KPNA7: variants seen among roughly 807,000 people sequenced by gnomAD.
KPNA7 encodes the protein karyopherin subunit alpha 7.
A neutral mutation model predicts 53.7 loss-of-function variants in KPNA7; 54 were observed. The ratio of observed to expected loss-of-function variants is 1.01; its 90% CI spans 0.81 to 1.26. The LOEUF is 1.26. Among genes scored for constraint, KPNA7 ranks in the 50% most tolerant of loss-of-function variants. The pLI is 0.00. For missense variants in KPNA7, 640 were observed against 644.5 expected, an observed-to-expected ratio of 0.99 and a Z score of 0.07; for synonymous variants, 276 against 259.3, an observed-to-expected ratio of 1.06 and a Z score of -0.62.
At chr7:99,165,689 C>A in the KPNA7 span, among the ~76,000 whole-genome samples, 1 of 152,202 alleles carries the variant, frequency 6.6e-6, no homozygotes, top group African/African-American at 2.4e-5. Flanking sequence ...TGTGACACTT[C>A]TGAGCCAAAA....
chr7:99,174,457 A>AG (rs1187067868), intron 10 of KPNA7, among the ~76,000 whole-genome samples: 2 of 152,140 alleles, frequency 1.3e-5, no homozygotes, highest in Admixed American at 6.6e-5. Flanking sequence ...CTCACCCCCC[A>AG]GCCTGTGGAA....
At chr7:99,196,030 T>G in intron 4 of KPNA7, 54 bp downstream of exon 4, 1 of 1,433,838 alleles carries the variant, frequency 7.0e-7, no homozygotes, top group African/African-American at 1.4e-5. Flanking sequence ...CAGCCATCAC[T>G]GACGCTCATT....
chr7:99,203,122 G>A lies in KPNA7; in HGVS notation c.185C>T (p.Thr62Ile). 6.4e-7 allele frequency: 1 copy of A among 1,551,618 alleles called. No homozygotes were observed. The highest frequency in any genetic ancestry group is 8.7e-7 in the Non-Finnish European group (1 of 1,146,966). Residue 62 changes from threonine (T) to isoleucine (I), a missense_variant, in exon 3 of 11, where the codon ACA becomes ATA. Physicochemically the swap from Thr to Ile is moderately conservative, Grantham distance 89 (BLOSUM62 -1). Coordinates refer to ENST00000327442, the MANE Select transcript of KPNA7 (RefSeq NM_001145715.3). ...CATACTGACCGCCACCCCTTTGGCT[G>A]TTTTTTCAGAAGGTGTGTCAGGGCA... ...SFCPDTPSEK[T>I]AKGVAVSLTL...
intron 8 of KPNA7, among the ~76,000 whole-genome samples, chr7:99,183,653 C>G (rs940164994): frequency 5.3e-5 from 8 of 152,074 alleles, no homozygotes; most frequent in Non-Finnish European, 1.2e-4. Flanking sequence ...AGCCTGAGAA[C>G]AGGAACACCG....
In KPNA7 at chr7:99,183,426, C is replaced by T. The variant is rs186240313; in HGVS notation, c.1135-1361G>A. 9.1e-4 allele frequency among the ~76,000 whole-genome samples: 138 copies of T among 152,258 alleles called. 1 individual carries two copies. The South Asian group carries it at 0.01, about 11-fold the overall frequency. ...ACAAAACAAAACAAATAACTTATGG[C>T]TCCAAGCAAGTTATAGTTCAAAAGA... On this transcript the variant is annotated intron_variant, in intron 8 of 10. Coordinates refer to ENST00000327442, the MANE Select transcript of KPNA7 (RefSeq NM_001145715.3).
Position 99,188,617 on chromosome 7 carries a change from C to T in KPNA7, c.637-54G>A. On this transcript the variant is annotated intron_variant, in intron 6 of 10. Coordinates refer to ENST00000327442, the MANE Select transcript of KPNA7 (RefSeq NM_001145715.3). The stretch of plus-strand genomic sequence containing the variant: ...GGGTGCAAAGGAGAGAAAATGCAAA[C>T]AGCAGTGTGTTCTTACCATTTCCAA... 3 of 1,515,974 alleles carry T rather than the reference C, an allele frequency of 2.0e-6. No homozygotes were observed. In the South Asian group the frequency reaches 3.7e-5, roughly 18 times the overall value. The allele number at this position is 1,515,974 out of a possible 1,614,324, so 93.9% of individuals were successfully genotyped here.
chr7:99,163,359 G>GTGTATATATATATATATATA, the KPNA7 span, among the ~76,000 whole-genome samples: 54 of 66,396 alleles, frequency 8.1e-4, no homozygotes, highest in Non-Finnish European at 1.1e-3. Flanking sequence ...ATGAGTGTGT[G>GTGTATATATATATATATATA]TATATATATA....
chr7:99,182,856 A>G (rs1789339812), intron 8 of KPNA7, among the ~76,000 whole-genome samples: 1 of 152,148 alleles, frequency 6.6e-6, no homozygotes, highest in South Asian at 2.1e-4. Flanking sequence ...CTGCATTTCT[A>G]GTCTTTCTGA....
At chr7:99,179,707 C>T (rs987274329) in intron 9 of KPNA7, among the ~76,000 whole-genome samples, 5 of 151,842 alleles carry the variant, frequency 3.3e-5, no homozygotes, top group African/African-American at 1.2e-4. Context: ...GCCTCAGCCT[C>T]CCGAGTAGCT....
the KPNA7 span, among the ~76,000 whole-genome samples, chr7:99,154,254 G>A: frequency 4.6e-5 from 7 of 150,558 alleles, no homozygotes; most frequent in East Asian, 4.0e-4. Flanking sequence ...TCAGCCTCCC[G>A]AGTAGCTAGG....
At chr7:99,149,960 G>A in the KPNA7 span, among the ~76,000 whole-genome samples, 165 of 151,904 alleles carry the variant, frequency 1.1e-3, 2 homozygotes, top group Middle Eastern at 0.02. Context: ...CACCATGCCC[G>A]GCTAATTTTT....
the KPNA7 span, among the ~76,000 whole-genome samples, chr7:99,161,823 G>A: frequency 6.6e-6 from 1 of 152,062 alleles, no homozygotes; most frequent in African/African-American, 2.4e-5. Flanking sequence ...CACAAATGAG[G>A]CACTTAACAG....
chr7:99,194,973 T>G, intron 5 of KPNA7, 97 bp downstream of exon 5: 1 of 1,366,268 alleles, frequency 7.3e-7, no homozygotes, highest in African/African-American at 1.5e-5. Context: ...TGGCAAAGTG[T>G]TCTGGGACAT....
At chr7:99,188,659 G>T in intron 6 of KPNA7, 96 bp from the exon 7 acceptor site, 1 of 1,232,194 alleles carries the variant, frequency 8.1e-7, no homozygotes, top group Non-Finnish European at 1.1e-6. Flanking sequence ...CCATAGATCA[G>T]CATGAACCAG....
intron 3 of KPNA7, among the ~76,000 whole-genome samples, chr7:99,201,421 C>T (rs922737474): frequency 4.0e-5 from 6 of 151,860 alleles, no homozygotes; most frequent in South Asian, 2.1e-4. Flanking sequence ...CCCAGCACTT[C>T]GGGAGGCTGA....
the KPNA7 span, among the ~76,000 whole-genome samples, chr7:99,157,371 G>A: frequency 1.8e-4 from 28 of 152,144 alleles, no homozygotes; most frequent in East Asian, 2.5e-3. Context: ...CACCACACCC[G>A]GCTAATTTTG....
intron 6 of KPNA7, among the ~76,000 whole-genome samples, chr7:99,189,996 A>C (rs1789850685): frequency 1.3e-5 from 2 of 151,958 alleles, no homozygotes; most frequent in Non-Finnish European, 2.9e-5. Flanking sequence ...TCTTGGTCCT[A>C]AAGTTACTGT....
At chr7:99,163,279 C>G in the KPNA7 span, among the ~76,000 whole-genome samples, 1 of 140,608 alleles carries the variant, frequency 7.1e-6, no homozygotes, top group Non-Finnish European at 1.5e-5. Context: ...TATGTTTTTT[C>G]AATTACAAAT....
At chr7:99,161,253 CT>C in the KPNA7 span, among the ~76,000 whole-genome samples, 424 of 44,742 alleles carry the variant, frequency 9.5e-3, 7 homozygotes, top group African/African-American at 0.02. Context: ...CTCTCTCTCT[CT>C]CTCTCTCTCT....
Sources: gnomAD v4.1 joint callset for allele counts (sites outside exome capture counted in the v4.1 genomes callset) on GRCh38, gnomAD v4.1.1 for gene constraint, MANE v1.5 for transcripts, NCBI Gene and HGNC (gene_info 2026-07-23, HGNC 2026-07-21) for gene names.